Variants in BDNF observed in about 807,000 individuals in gnomAD.
The protein encoded by BDNF is neurotrophic factor BDNF precursor form.
A neutral mutation model predicts 19.5 loss-of-function variants in BDNF; 1 was observed. The observed-to-expected ratio is 0.05, with a 90% confidence interval of 0.02 to 0.24. BDNF has a LOEUF of 0.24. Among genes scored for constraint, BDNF ranks in the 10% least tolerant of loss-of-function variants. BDNF has a pLI of 1.00. For missense variants in BDNF, 195 were observed against 317.6 expected (o/e 0.61, Z 2.93); for synonymous variants, 100 against 121.6 (o/e 0.82, Z 1.17).
chr11:27,668,845 C>T (rs554927024), intron 1 of BDNF, among the ~76,000 whole-genome samples: 5 of 152,126 alleles, frequency 3.3e-5, no homozygotes, highest in Non-Finnish European at 7.4e-5. Context: ...TAAGGAGGAG[C>T]TGGTACCATT....
chr11:27,697,155 A>ACG (rs1859132728), intron 1 of BDNF, among the ~76,000 whole-genome samples: 1 of 92,640 alleles, frequency 1.1e-5, no homozygotes, highest in Non-Finnish European at 2.8e-5. Flanking sequence ...ACACACACAC[A>ACG]CACACACACA....
Position 27,710,115 on chromosome 11 carries a change from G to A in BDNF, c.3+11297C>T, listed in dbSNP as rs925748390. Among the ~76,000 whole-genome samples, 16 of 152,164 alleles carry A rather than the reference G, an allele frequency of 1.1e-4. 1 individual carries two copies. The highest frequency in any genetic ancestry group is 3.9e-4 in the African/African-American group (16 of 41,430). The stretch of plus-strand genomic sequence containing the variant: ...TGCTAGGCTGCTTTCAGAGCTCTGG[G>A]ACGTATCAAATCCATTATGTGTTCA... On this transcript the variant is annotated intron_variant, in intron 1 of 1. Transcript: ENST00000314915.
At chr11:27,670,682 A>C (rs564803827) in intron 1 of BDNF, among the ~76,000 whole-genome samples, 1 of 152,224 alleles carries the variant, frequency 6.6e-6, no homozygotes. Flanking sequence ...TGGCCATCAG[A>C]GAAATGCAAA....
chr11:27,669,776 G>T (rs191757116), intron 1 of BDNF, among the ~76,000 whole-genome samples: 7 of 152,232 alleles, frequency 4.6e-5, no homozygotes, highest in Admixed American at 4.6e-4. Context: ...ACAAATGGAA[G>T]AACATTCCAT....
exon 1 of BDNF, chr11:27,721,636 G>A (rs1860740934): frequency 4.9e-6 from 3 of 607,808 alleles, no homozygotes; most frequent in Non-Finnish European, 8.8e-6. Flanking sequence ...AAAGCAACTG[G>A]CATCGATGTC....
At chr11:27,714,354 C>T (rs1860440798) in intron 1 of BDNF, among the ~76,000 whole-genome samples, 1 of 152,130 alleles carries the variant, frequency 6.6e-6, no homozygotes, top group African/African-American at 2.4e-5. Context: ...GTATATAATG[C>T]ATTATTCATG....
At chr11:27,701,591 G>A, upstream of BDNF, 1 of 986,954 alleles carries the variant, frequency 1.0e-6, no homozygotes, top group Non-Finnish European at 1.2e-6. Flanking sequence ...CGGGGGGAGC[G>A]GCAGCGAGAG....
chr11:27,691,900 GAGA>G (rs1457190023), intron 1 of BDNF, among the ~76,000 whole-genome samples: 4 of 152,100 alleles, frequency 2.6e-5, no homozygotes, highest in Non-Finnish European at 1.5e-5. Flanking sequence ...GGTGAACGGT[GAGA>G]AGTTTTCTTA....
chr11:27,655,194 A>T lies in BDNF; in HGVS notation c.*2627T>A, dbSNP rs1284929931. 6.6e-6 allele frequency: 1 copy of T among 152,476 alleles called. No homozygotes were observed. The highest frequency in any genetic ancestry group is 1.5e-5 in the Non-Finnish European group (1 of 68,058). The allele number at this position is 152,476 out of a possible 1,614,324, so 9.4% of individuals were successfully genotyped here. ...AAAAGCAACAGGCCTGCTGCCATGCATGAAACACTTCTGCCACAAAGAGAC... is the reference window on the plus strand; with the variant it reads ...AAAAGCAACAGGCCTGCTGCCATGCTTGAAACACTTCTGCCACAAAGAGAC... On this transcript the variant is annotated 3_prime_UTR_variant, in exon 2 of 2. Coordinates refer to ENST00000356660, the MANE Select transcript of BDNF (RefSeq NM_001709.5).
At position 27,657,532 on chromosome 11, in the gene BDNF, TA is replaced by T. The variant is rs938148088; in HGVS notation, c.*288del. On this transcript the variant is annotated 3_prime_UTR_variant, in exon 2 of 2. Coordinates refer to ENST00000356660, the MANE Select transcript of BDNF (RefSeq NM_001709.5). This position sits in a 1 kb window ranked among gnomAD's most constrained non-coding sequence, Gnocchi z 5.0. ...ACAATTAAAGCAGCATGCAATTTAT[TA>T]TTTTTTTTAACTTTTTATGTTTTCA... 3.7e-5 allele frequency: 43 copies of T among 1,160,156 alleles called. No homozygotes were observed. Among genetic ancestry groups the T allele is most frequent in the Middle Eastern group, 3.8e-4 (1 of 2,642 alleles). 71.9% of individuals were successfully genotyped at this position (1,160,156 alleles called of 1,614,324 possible). A position where few individuals can be genotyped will look rare whatever the true frequency, so the allele number is the denominator to read the frequency against.
At chr11:27,673,780 C>G (rs1385565655) in intron 1 of BDNF, among the ~76,000 whole-genome samples, 3 of 152,044 alleles carry the variant, frequency 2.0e-5, no homozygotes, top group African/African-American at 7.2e-5. Flanking sequence ...GACCAAACTG[C>G]CGGGCTTCAA....
At chr11:27,720,158 T>C (rs79622890) in intron 1 of BDNF, among the ~76,000 whole-genome samples, 3 of 151,924 alleles carry the variant, frequency 2.0e-5, no homozygotes, top group Admixed American at 6.6e-5. Flanking sequence ...ACTGAGTTTC[T>C]TTTTTTTCTT....
At chr11:27,686,553 A>T (rs1468679684) in intron 1 of BDNF, among the ~76,000 whole-genome samples, 1 of 150,774 alleles carries the variant, frequency 6.6e-6, no homozygotes, top group Non-Finnish European at 1.5e-5. Flanking sequence ...TCCTTTCCTT[A>T]TTTAGTACTT....
At chr11:27,719,493 AC>A in intron 1 of BDNF, 1 of 985,028 alleles carries the variant, frequency 1.0e-6, no homozygotes, top group South Asian at 4.7e-5. Context: ...TCCCTGAGTT[AC>A]CCCGACTGAC....
chr11:27,700,582 G>C (rs1350962656), upstream of BDNF: 25 of 962,932 alleles, frequency 2.6e-5, no homozygotes, highest in Non-Finnish European at 2.9e-5. Flanking sequence ...ATACCCGTTC[G>C]AGGCGGCCGC....
At chr11:27,715,007 T>C (rs1860461994) in intron 1 of BDNF, among the ~76,000 whole-genome samples, 1 of 152,176 alleles carries the variant, frequency 6.6e-6, no homozygotes, top group Non-Finnish European at 1.5e-5. Flanking sequence ...CCAGTCTTTG[T>C]CTCTAGGCCA....
chr11:27,714,764 C>T (rs754801855), intron 1 of BDNF, among the ~76,000 whole-genome samples: 1 of 152,118 alleles, frequency 6.6e-6, no homozygotes, highest in Non-Finnish European at 1.5e-5. Flanking sequence ...TTATATCACT[C>T]AAACTTGGAA....
At chr11:27,678,320 C>A (rs1019731773) in intron 1 of BDNF, among the ~76,000 whole-genome samples, 3 of 152,154 alleles carry the variant, frequency 2.0e-5, no homozygotes, top group South Asian at 2.1e-4. Flanking sequence ...AGGGGGTGGC[C>A]ATGGCCAAAC....
chr11:27,713,775 T>C (rs1266438168), intron 1 of BDNF, among the ~76,000 whole-genome samples: 1 of 152,150 alleles, frequency 6.6e-6, no homozygotes, highest in Non-Finnish European at 1.5e-5. Context: ...GGTTAAAAAC[T>C]TTGACAAAGT....
Sources: allele counts gnomAD v4.1 joint callset (sites outside exome capture counted in the v4.1 genomes callset), GRCh38; gene constraint gnomAD v4.1.1; non-coding constraint Gnocchi (gnomAD v3.1); transcripts MANE v1.5; gene names NCBI Gene and HGNC (gene_info 2026-07-23, HGNC 2026-07-21).